The following SH3BP1 variants were observed in gnomAD, a reference collection of about 807,000 sequenced individuals.
SH3BP1 encodes SH3 domain-binding protein 1.
SH3BP1 carries 46 observed loss-of-function variants against 69.8 expected under a neutral mutation model. That is an observed-to-expected ratio of 0.66 (90% CI 0.52 to 0.84). The LOEUF (loss-of-function observed/expected upper bound fraction) is 0.84. SH3BP1 is among the 40% of genes least tolerant of loss of function. The pLI is 0.00. For synonymous variants in SH3BP1, 403 were observed against 378.0 expected (o/e 1.07, Z -0.77); for missense variants, 868 against 930.9 (o/e 0.93, Z 0.88).
chr22:37,653,892 G>A lies in SH3BP1; in HGVS notation c.1693+19G>A, dbSNP rs374986976. 9.4e-5 allele frequency: 143 copies of A among 1,527,144 alleles called. 1 individual carries two copies. In the African/African-American group the frequency reaches 1.6e-3, roughly 17 times the overall value. 94.6% of individuals were successfully genotyped at this position (1,527,144 alleles called of 1,614,324 possible). A position where few individuals can be genotyped will look rare whatever the true frequency, so the allele number is the denominator to read the frequency against. On this transcript the variant is annotated intron_variant, in intron 17 of 17. Coordinates refer to ENST00000649765, the MANE Select transcript of SH3BP1 (RefSeq NM_018957.6). ...CGGAGGAGTGAGTTGGCTGTGGGAG[G>A]GGAGGAGGGGACAGAGGGTGGGCGG...
chr22:37,639,973 C>G lies in SH3BP1; in HGVS notation c.59+127C>G, dbSNP rs1932522245. On this transcript the variant is annotated intron_variant, in intron 1 of 17. Coordinates refer to ENST00000649765, the MANE Select transcript of SH3BP1 (RefSeq NM_018957.6). Reference sequence around the variant, plus strand: ...GGCAGCCACCCTCTGAGCGGCCAGACTCCTGCTCTCTCTTCCTCCTCTCTG... The same window carrying G: ...GGCAGCCACCCTCTGAGCGGCCAGAGTCCTGCTCTCTCTTCCTCCTCTCTG... The G allele has an allele frequency of 4.8e-6, 3 of 630,736 alleles. No homozygotes were observed. The South Asian group carries it at 6.8e-5, about 14-fold the overall frequency. The allele number at this position is 630,736 out of a possible 1,614,324, so 39.1% of individuals were successfully genotyped here.
chr22:37,643,153 A>T lies in SH3BP1; in HGVS notation c.452A>T (p.Asp151Val). 6.2e-7 allele frequency: 1 copy of T among 1,605,718 alleles called. No homozygotes were observed. The highest frequency in any genetic ancestry group is 8.5e-7 in the Non-Finnish European group (1 of 1,176,438). The change falls in exon 6 of 18, where the codon GAC becomes GTC. Residue 151 changes from aspartate to valine, a missense_variant. Coordinates refer to ENST00000649765, the MANE Select transcript of SH3BP1 (RefSeq NM_018957.6). Reference sequence around the variant, plus strand: ...AAAAGCCTCCAGAAGCTCGTGTCCGACTGGAACACACTCAAGAGCAGGTGG... The same window carrying T: ...AAAAGCCTCCAGAAGCTCGTGTCCGTCTGGAACACACTCAAGAGCAGGTGG... Reference protein sequence around the residue: ...HKKSLQKLVSDWNTLKSRLSQ... With the variant: ...HKKSLQKLVSVWNTLKSRLSQ...
Position 37,642,533 on chromosome 22 carries a change from C to T in SH3BP1, c.208-6C>T. The T allele has an allele frequency of 1.2e-6, 2 of 1,613,060 alleles. No individual in the cohort carries two copies. The highest frequency in any genetic ancestry group is 1.1e-5 in the South Asian group (1 of 91,072). ...ACACTCATCGCCGGCCCCACCCTCC[C>T]TGCAGAAGAAGCTTCCCCTCATGGC... On this transcript the variant is annotated splice_region_variant and splice_polypyrimidine_tract_variant and intron_variant, in intron 3 of 17. Transcript: ENST00000649765.
intron 16 of SH3BP1, among the ~76,000 whole-genome samples, chr22:37,651,347 T>C (rs1932875582): frequency 6.6e-6 from 1 of 151,484 alleles, no homozygotes. Context: ...TTTTTTTTTT[T>C]TTTTCTGAGA....
chr22:37,644,917 GGACACAGCCCTGGCT>G lies in SH3BP1; in HGVS notation c.738_752del (p.Asp246_Ala250del). 1 of 1,614,026 alleles carries G rather than the reference GGACACAGCCCTGGCT, an allele frequency of 6.2e-7. No homozygotes were observed. Among genetic ancestry groups the G allele is most frequent in the Non-Finnish European group, 8.5e-7 (1 of 1,180,040 alleles). ...ACCATCGCAGGTCACTGAGCTCGCT[GGACACAGCCCTGGCT>G]GAGCTGAGGGAGAACCACGGCCAAG... is the stretch of plus-strand genomic sequence containing the variant. On this transcript the variant is annotated inframe_deletion, in exon 9 of 18. Coordinates refer to ENST00000649765, the MANE Select transcript of SH3BP1 (RefSeq NM_018957.6).
chr22:37,643,525 A>G lies in SH3BP1; in HGVS notation c.474-119A>G. 3.6e-6 allele frequency: 5 copies of G among 1,402,038 alleles called. No homozygotes were observed. The South Asian group carries it at 6.4e-5, about 18-fold the overall frequency. The allele number at this position is 1,402,038 out of a possible 1,614,324, so 86.8% of individuals were successfully genotyped here. On this transcript the variant is annotated intron_variant, in intron 6 of 17. Transcript: ENST00000649765. ...CCTGGGCAGAGGCCCCGGCCAGTGG[A>G]GCTCTCAGATCTGCAGCTCTAAATC...
At chr22:37,640,892 A>G in intron 1 of SH3BP1, 2 of 560,368 alleles carry the variant, frequency 3.6e-6, no homozygotes, top group South Asian at 2.2e-5. Flanking sequence ...GCCCTCTCTC[A>G]GGACACAGCC....
chr22:37,645,276 A>G (rs1932763205), intron 9 of SH3BP1, 89 bp from the exon 10 acceptor site: 3 of 1,472,300 alleles, frequency 2.0e-6, no homozygotes, highest in African/African-American at 1.4e-5. Flanking sequence ...GGCAGGTGGT[A>G]CCACCTTGAG....
intron 16 of SH3BP1, among the ~76,000 whole-genome samples, chr22:37,651,395 C>T (rs1340132227): frequency 2.0e-5 from 3 of 149,834 alleles, no homozygotes; most frequent in South Asian, 2.1e-4. Context: ...AGTGCAATGG[C>T]GAGATCTTGG....
At chr22:37,649,414 G>T (rs1266367443) in intron 14 of SH3BP1, among the ~76,000 whole-genome samples, 3 of 152,044 alleles carry the variant, frequency 2.0e-5, no homozygotes, top group Non-Finnish European at 2.9e-5. Flanking sequence ...TGGGCCCAGG[G>T]AGTCAAGGCT....
In SH3BP1 at chr22:37,639,767, A is replaced by G; in HGVS notation, c.-21A>G. The stretch of plus-strand genomic sequence containing the variant: ...CCCGCGACCCCCGCCGTGACCCCGC[A>G]GCCCCCAGCTCGCCCCCAAGATGAT... On this transcript the variant is annotated 5_prime_UTR_variant, in exon 1 of 18. Coordinates refer to ENST00000649765, the MANE Select transcript of SH3BP1 (RefSeq NM_018957.6). 2.7e-6 allele frequency: 4 copies of G among 1,468,280 alleles called. No homozygotes were observed. The highest frequency in any genetic ancestry group is 1.3e-5 in the South Asian group (1 of 77,538). 91.0% of individuals were successfully genotyped at this position (1,468,280 alleles called of 1,614,324 possible).
chr22:37,643,460 A>C (rs1932688297), intron 6 of SH3BP1, 184 bp from the exon 7 acceptor site: 2 of 788,370 alleles, frequency 2.5e-6, no homozygotes, highest in African/African-American at 1.7e-5. Flanking sequence ...TGATCACCAA[A>C]TCTGCCACCA....
At chr22:37,653,709 G>C in intron 16 of SH3BP1, 70 bp from the exon 17 acceptor site, 1 of 1,064,804 alleles carries the variant, frequency 9.4e-7, no homozygotes, top group South Asian at 1.3e-5. Flanking sequence ...GGCAGCTGGA[G>C]ACTCCTCAGG....
Position 37,648,377 on chromosome 22 carries a change from C to T in SH3BP1, c.1258C>T (p.Pro420Ser). Residue 420 changes from proline to serine, a missense_variant, in exon 14 of 18, where the codon CCC becomes TCC. This residue lies in a region of SH3BP1 where 474 missense variants were observed against 462.3 expected (regional missense o/e 1.03). Coordinates refer to ENST00000649765, the MANE Select transcript of SH3BP1 (RefSeq NM_018957.6). ...GGAGCAGGAGGTGAACAAGATGACA[C>T]CCAGCAACATCGCCATAGTCCTGGG... ...AEEQEVNKMT[P>S]SNIAIVLGPN... is the part of the protein sequence containing the mutation. The T allele has an allele frequency of 6.4e-7, 1 of 1,572,416 alleles. No homozygotes were observed. The highest frequency in any genetic ancestry group is 8.6e-7 in the Non-Finnish European group (1 of 1,158,416).
In SH3BP1 at chr22:37,655,399, A is replaced by G; in HGVS notation, c.1821A>G (p.Arg607=). 2 of 1,107,206 alleles carry G rather than the reference A, an allele frequency of 1.8e-6. No individual in the cohort carries two copies. The highest frequency in any genetic ancestry group is 2.3e-6 in the Non-Finnish European group (2 of 861,914). 68.6% of individuals were successfully genotyped at this position (1,107,206 alleles called of 1,614,324 possible). A position where few individuals can be genotyped will look rare whatever the true frequency, so the allele number is the denominator to read the frequency against. ...CTGGGACCCCCCAAGCCCTGCCCCG[A>G]CGTCTGGTTGGCAGCAGCCTCCGAG... The part of the protein sequence containing the change: ...GSPGTPQALP[R]RLVGSSLRAP... Residue 607 remains arginine (R), a synonymous_variant, in exon 18 of 18, where the codon CGA becomes CGG. Transcript: ENST00000649765.
chr22:37,641,106 CCCCCCA>C lies in SH3BP1; in HGVS notation c.60-17_60-12del. On this transcript the variant is annotated splice_polypyrimidine_tract_variant and intron_variant, in intron 1 of 17. Transcript: ENST00000649765. ...GCTCAGCAGAAGCACTCTCCCCCCC[CCCCCCA>C]CCACTCCCCGCAGCACCCCGGAGAC... 5 of 1,330,562 alleles carry C rather than the reference CCCCCCA, an allele frequency of 3.8e-6. No homozygotes were observed. Among genetic ancestry groups the C allele is most frequent in the African/African-American group, 3.0e-5 (2 of 67,098 alleles). The allele number at this position is 1,330,562 out of a possible 1,614,324, so 82.4% of individuals were successfully genotyped here.
rs560812763 is a variant in SH3BP1, at chr22:37,645,737, A to C, written c.924+227A>C. Among the ~76,000 whole-genome samples the C allele has an allele frequency of 1.2e-4, 19 of 152,176 alleles. No homozygotes were observed. The East Asian group carries it at 3.7e-3, about 29-fold the overall frequency. On this transcript the variant is annotated intron_variant, in intron 10 of 17. Coordinates refer to ENST00000649765, the MANE Select transcript of SH3BP1 (RefSeq NM_018957.6). ...CTTTGCATTCCAGGCTCCATTTCACAATTTCACAAGAGGGAGACAGAGGTA... is the reference window on the plus strand; with the variant it reads ...CTTTGCATTCCAGGCTCCATTTCACCATTTCACAAGAGGGAGACAGAGGTA...
chr22:37,644,077 G>A (rs991349734), intron 7 of SH3BP1, among the ~76,000 whole-genome samples: 4 of 152,326 alleles, frequency 2.6e-5, no homozygotes, highest in South Asian at 4.1e-4. Context: ...ACTGAATGGT[G>A]AATAACAGGT....
chr22:37,641,706 C>A, intron 3 of SH3BP1: 1 of 526,328 alleles, frequency 1.9e-6, no homozygotes, highest in Non-Finnish European at 3.4e-6. Context: ...CAAGGCCAGG[C>A]TTCTGACAGC....
Sources: gnomAD v4.1 joint callset for allele counts (sites outside exome capture counted in the v4.1 genomes callset) on GRCh38, gnomAD v4.1.1 for gene constraint, gnomAD v4.1.1 regional missense constraint, MANE v1.5 for transcripts, NCBI Gene and HGNC (gene_info 2026-07-23, HGNC 2026-07-21) for gene names.